The following KMT5B variants were observed in gnomAD, a reference collection of about 807,000 sequenced individuals.
The protein encoded by KMT5B is lysine methyltransferase 5B.
In KMT5B, 10 loss-of-function variants were observed where a neutral mutation model predicts 83.2. That is an observed-to-expected ratio of 0.12 (90% CI 0.07 to 0.20). The LOEUF (loss-of-function observed/expected upper bound fraction) is 0.20, where lower values mean the gene tolerates loss of function less well. Among genes scored for constraint, KMT5B ranks in the 10% least tolerant of loss-of-function variants. The probability of loss-of-function intolerance (pLI) is 1.00; values close to 1 mark genes in which losing one functional copy is unlikely to be tolerated. For missense variants in KMT5B, 753 were observed against 1,067.2 expected, an observed-to-expected ratio of 0.71 and a Z score of 4.10; for synonymous variants, 349 against 388.8, an observed-to-expected ratio of 0.90 and a Z score of 1.20.
At chr11:68,164,556 T>C (rs1356752993) in intron 10 of KMT5B, 1 of 451,252 alleles carries the variant, frequency 2.2e-6, no homozygotes, top group East Asian at 6.7e-5. Flanking sequence ...TGACTTAACA[T>C]ACAATGGTCT....
At chr11:68,164,931 G>C (rs575346143) in intron 10 of KMT5B, among the ~76,000 whole-genome samples, 5 of 152,264 alleles carry the variant, frequency 3.3e-5, no homozygotes, top group Non-Finnish European at 7.4e-5. Context: ...GAACTAGCAG[G>C]ATTTCAGTAA....
chr11:68,183,337 A>C (rs1380819990), intron 3 of KMT5B, among the ~76,000 whole-genome samples: 1 of 151,750 alleles, frequency 6.6e-6, no homozygotes, highest in Non-Finnish European at 1.5e-5. Flanking sequence ...AAAAGAAAAG[A>C]AAATGGACTT....
chr11:68,181,582 C>T (rs946189588), intron 3 of KMT5B, among the ~76,000 whole-genome samples: 4 of 151,932 alleles, frequency 2.6e-5, no homozygotes, highest in Non-Finnish European at 5.9e-5. Flanking sequence ...TCTTTTGCAC[C>T]CCAAAGAGAG....
intron 3 of KMT5B, 132 bp from the exon 4 acceptor site, chr11:68,180,332 A>C (rs1420524423): frequency 4.8e-6 from 6 of 1,252,094 alleles, no homozygotes. Context: ...AAGAACTTTA[A>C]GATACCACAG....
intron 1 of KMT5B, among the ~76,000 whole-genome samples, chr11:68,200,496 T>C (rs1859298459): frequency 6.6e-6 from 1 of 152,100 alleles, no homozygotes; most frequent in Non-Finnish European, 1.5e-5. Flanking sequence ...AAACACGCAC[T>C]TGTGAGGAAG....
At chr11:68,211,956 T>C (rs1241472226) in intron 1 of KMT5B, among the ~76,000 whole-genome samples, 2 of 152,222 alleles carry the variant, frequency 1.3e-5, no homozygotes, top group Non-Finnish European at 2.9e-5. Flanking sequence ...CTGGTTCAAA[T>C]TGCTAAACCT....
chr11:68,184,989 T>A (rs1591002671), intron 3 of KMT5B, among the ~76,000 whole-genome samples: 1 of 152,196 alleles, frequency 6.6e-6, no homozygotes, highest in East Asian at 1.9e-4. Flanking sequence ...TATAAACATG[T>A]CTTTAAAACT....
chr11:68,203,118 G>C (rs900162022), intron 1 of KMT5B, among the ~76,000 whole-genome samples: 4 of 152,012 alleles, frequency 2.6e-5, no homozygotes, highest in Non-Finnish European at 5.9e-5. Flanking sequence ...TGGGATTACA[G>C]GTGTGTGCCA....
intron 1 of KMT5B, among the ~76,000 whole-genome samples, chr11:68,198,454 AG>A (rs1358645376): frequency 3.4e-5 from 3 of 87,906 alleles, no homozygotes; most frequent in Admixed American, 9.2e-5. Context: ...AGACAAGACA[AG>A]ACAAGACAAG....
intron 1 of KMT5B, among the ~76,000 whole-genome samples, chr11:68,204,574 C>T (rs956646909): frequency 6.7e-6 from 1 of 148,560 alleles, no homozygotes; most frequent in Non-Finnish European, 1.5e-5. Context: ...TGATGTTGAA[C>T]TTCTGGCCTC....
intron 1 of KMT5B, among the ~76,000 whole-genome samples, chr11:68,205,421 T>C (rs1302322757): frequency 6.6e-6 from 1 of 152,224 alleles, no homozygotes; most frequent in African/African-American, 2.4e-5. Flanking sequence ...AGAGCCAGCC[T>C]CTTAATTACA....
Position 68,155,209 on chromosome 11 carries a change from G to A in KMT5B, c.*2479C>T, listed in dbSNP as rs955747816. The A allele has an allele frequency of 3.9e-5, 6 of 152,132 alleles. No individual in the cohort carries two copies. Among genetic ancestry groups the A allele is most frequent in the East Asian group, 1.9e-4 (1 of 5,198 alleles). The allele number at this position is 152,132 out of a possible 1,614,324, so 9.4% of individuals were successfully genotyped here. On this transcript the variant is annotated 3_prime_UTR_variant, in exon 11 of 11. Transcript: ENST00000304363. The stretch of plus-strand genomic sequence containing the variant: ...GCAACCTCTTCTAAACTGGTCAACG[G>A]TGTGTGGCTGTCACCATTCCACACG...
chr11:68,175,737 A>G (rs892847067), intron 4 of KMT5B, among the ~76,000 whole-genome samples: 1 of 152,210 alleles, frequency 6.6e-6, no homozygotes, highest in Non-Finnish European at 1.5e-5. Flanking sequence ...ACACAGTCAG[A>G]AAAAACCCCA....
At chr11:68,183,667 T>C (rs1174341528) in intron 3 of KMT5B, among the ~76,000 whole-genome samples, 1 of 107,082 alleles carries the variant, frequency 9.3e-6, no homozygotes, top group Non-Finnish European at 1.9e-5. Context: ...TCCTGTATCT[T>C]TTTTTTTTTT....
rs537557543 is a variant in KMT5B at position 68,209,869 on chromosome 11, T to C, written c.-77+3269A>G. On this transcript the variant is annotated intron_variant, in intron 1 of 10. Coordinates refer to ENST00000304363, the MANE Select transcript of KMT5B (RefSeq NM_017635.5). ...TCTAGGTACTGTTTTCTTTCCCCCTTTTTTTTTTTTTTTAAGAGACGGAGT... is the reference window on the plus strand; with the variant it reads ...TCTAGGTACTGTTTTCTTTCCCCCTCTTTTTTTTTTTTTAAGAGACGGAGT... 1.2e-3 allele frequency among the ~76,000 whole-genome samples: 136 copies of C among 116,684 alleles called. 3 individuals carry two copies. The Middle Eastern group carries it at 0.013, about 11-fold the overall frequency. 76.5% of individuals were successfully genotyped at this position (116,684 alleles called of 152,430 possible). A position where few individuals can be genotyped will look rare whatever the true frequency, so the allele number is the denominator to read the frequency against.
At chr11:68,193,050 C>T (rs1266639740) in intron 1 of KMT5B, among the ~76,000 whole-genome samples, 1 of 152,128 alleles carries the variant, frequency 6.6e-6, no homozygotes, top group African/African-American at 2.4e-5. Flanking sequence ...AAAGGATGTC[C>T]ATGATACCAC....
At chr11:68,207,625 T>C (rs1245045602) in intron 1 of KMT5B, among the ~76,000 whole-genome samples, 1 of 151,480 alleles carries the variant, frequency 6.6e-6, no homozygotes, top group African/African-American at 2.4e-5. Context: ...AATCCATTTC[T>C]ACTAAAAATA....
chr11:68,186,189 T>C (rs1282976662), intron 2 of KMT5B, among the ~76,000 whole-genome samples: 1 of 152,132 alleles, frequency 6.6e-6, no homozygotes, highest in Non-Finnish European at 1.5e-5. Context: ...GAGAATTTGG[T>C]TCAAATGCTT....
In KMT5B at chr11:68,157,991, C is replaced by T; in HGVS notation, c.2355G>A (p.Glu785=). The part of the protein sequence containing the change: ...TKLKIQLKRD[E]ENRGSYTEGL... ...CCTCTGTATAAGACCCCCTATTTTC[C>T]TCATCTCGTTTTAGCTGGATTTTTA... is the stretch of plus-strand genomic sequence containing the variant. The change falls in exon 11 of 11, where the codon GAG becomes GAA. Residue 785 remains glutamate, a synonymous_variant. Transcript: ENST00000304363. The T allele has an allele frequency of 6.2e-7, 1 of 1,614,182 alleles. No homozygotes were observed. Among genetic ancestry groups the T allele is most frequent in the Non-Finnish European group, 8.5e-7 (1 of 1,180,040 alleles).
Sources: gnomAD v4.1 joint callset for allele counts (sites outside exome capture counted in the v4.1 genomes callset) on GRCh38, gnomAD v4.1.1 for gene constraint, MANE v1.5 for transcripts, NCBI Gene and HGNC (gene_info 2026-07-23, HGNC 2026-07-21) for gene names.